The following FHIT variants were observed in gnomAD, a reference collection of about 807,000 sequenced individuals.
FHIT encodes bis(5'-adenosyl)-triphosphatase.
Under a neutral mutation model 17.9 loss-of-function variants are expected in FHIT, and 19 were observed. That is an observed-to-expected ratio of 1.06 (90% CI 0.74 to 1.56). The LOEUF is 1.56. Among genes scored for constraint, FHIT ranks in the 40% most tolerant of loss-of-function variants. The pLI is 0.00. For missense variants in FHIT, 248 were observed against 189.2 expected (o/e 1.31, Z -1.82); for synonymous variants, 81 against 69.7 (o/e 1.16, Z -0.81).
intron 5 of FHIT, among the ~76,000 whole-genome samples, chr3:60,490,561 T>C (rs1048499117): frequency 6.6e-6 from 1 of 151,974 alleles, no homozygotes; most frequent in African/African-American, 2.4e-5. Flanking sequence ...AACCTCTTGC[T>C]CCGTCTCCAC....
In FHIT at chr3:60,246,162, T is replaced by C. The variant is rs180835896; in HGVS notation, c.104-232010A>G. ...ATTGCAGTAATACAGGCAAATGAGG[T>C]AGAAATGGAAATGTAGAGAAAAACA... On this transcript the variant is annotated intron_variant, in intron 5 of 9. Transcript: ENST00000492590. Among the ~76,000 whole-genome samples the C allele has an allele frequency of 1.4e-4, 21 of 152,028 alleles. No individual in the cohort carries two copies. In the East Asian group the frequency reaches 4.1e-3, roughly 29 times the overall value.
chr3:59,890,020 G>A (rs377267400), intron 8 of FHIT, among the ~76,000 whole-genome samples: 6 of 152,208 alleles, frequency 3.9e-5, no homozygotes, highest in Admixed American at 2.0e-4. Flanking sequence ...CAATGAAGAC[G>A]TCATTAAAAA....
intron 2 of FHIT, among the ~76,000 whole-genome samples, chr3:61,172,689 C>CCATA (rs1175736976): frequency 6.9e-6 from 1 of 144,468 alleles, no homozygotes; most frequent in Non-Finnish European, 1.6e-5. Context: ...CAAACACTTT[C>CCATA]TGTGAGTTAC....
At chr3:60,305,719 T>C (rs987272072) in intron 5 of FHIT, among the ~76,000 whole-genome samples, 4 of 152,182 alleles carry the variant, frequency 2.6e-5, no homozygotes, top group Non-Finnish European at 4.4e-5. Flanking sequence ...GTAATGGTGC[T>C]TTTACATTCT....
intron 5 of FHIT, among the ~76,000 whole-genome samples, chr3:60,156,207 C>G (rs1700681862): frequency 6.6e-6 from 1 of 151,666 alleles, no homozygotes; most frequent in Non-Finnish European, 1.5e-5. Context: ...CAAAAATTAG[C>G]AGGGCGTGGT....
intron 5 of FHIT, among the ~76,000 whole-genome samples, chr3:60,015,556 C>T (rs912035404): frequency 6.6e-6 from 1 of 152,118 alleles, no homozygotes; most frequent in African/African-American, 2.4e-5. Context: ...AGCCTCCACT[C>T]CCACGAAGCT....
intron 5 of FHIT, among the ~76,000 whole-genome samples, chr3:60,170,931 G>C (rs904090073): frequency 3.3e-5 from 5 of 152,168 alleles, no homozygotes; most frequent in African/African-American, 1.2e-4. Context: ...CAAATTCCTG[G>C]TTTTCAGAAA....
At chr3:61,106,071 T>G (rs1248011193) in intron 2 of FHIT, among the ~76,000 whole-genome samples, 3 of 152,210 alleles carry the variant, frequency 2.0e-5, no homozygotes, top group African/African-American at 7.2e-5. Context: ...ATTGTATCCT[T>G]GGACAAGTCA....
At chr3:60,527,805 C>G (rs952768039) in intron 5 of FHIT, among the ~76,000 whole-genome samples, 1 of 152,112 alleles carries the variant, frequency 6.6e-6, no homozygotes, top group African/African-American at 2.4e-5. Context: ...GACACCCACC[C>G]CACCGTACAT....
At chr3:60,878,699 CT>C (rs1202717910) in intron 3 of FHIT, among the ~76,000 whole-genome samples, 7 of 151,840 alleles carry the variant, frequency 4.6e-5, no homozygotes, top group South Asian at 4.2e-4. Context: ...TCCATGTGTT[CT>C]CATTGTTCAA....
intron 4 of FHIT, among the ~76,000 whole-genome samples, chr3:60,571,500 T>C (rs2037383353): frequency 6.6e-6 from 1 of 151,902 alleles, no homozygotes; most frequent in South Asian, 2.1e-4. Context: ...CTGAGGAGAA[T>C]TTGAGAAAAT....
intron 4 of FHIT, among the ~76,000 whole-genome samples, chr3:60,545,433 A>T (rs2036328751): frequency 6.6e-6 from 1 of 152,120 alleles, no homozygotes; most frequent in African/African-American, 2.4e-5. Context: ...TTTTCTAGTT[A>T]CTTGAGTCAA....
intron 2 of FHIT, among the ~76,000 whole-genome samples, chr3:61,173,432 TC>T (rs1404852422): frequency 5.9e-5 from 9 of 152,228 alleles, no homozygotes; most frequent in Admixed American, 5.9e-4. Context: ...GTGTGTTGTT[TC>T]TAAAGACCTG....
intron 3 of FHIT, among the ~76,000 whole-genome samples, chr3:60,978,057 A>G (rs1334814180): frequency 6.6e-6 from 1 of 152,186 alleles, no homozygotes; most frequent in Non-Finnish European, 1.5e-5. Context: ...GAAAGAGAAG[A>G]GGCGGTGTCA....
chr3:60,051,160 G>A (rs1172551753), intron 5 of FHIT, among the ~76,000 whole-genome samples: 2 of 151,866 alleles, frequency 1.3e-5, no homozygotes, highest in African/African-American at 2.4e-5. Flanking sequence ...GGGAAGGTTG[G>A]GCCTCTCAGC....
intron 4 of FHIT, among the ~76,000 whole-genome samples, chr3:60,600,886 C>T (rs77270549): frequency 6.6e-6 from 1 of 152,184 alleles, no homozygotes; most frequent in Non-Finnish European, 1.5e-5. Flanking sequence ...AAAATGCATC[C>T]CTCTCATGAG....
chr3:59,935,085 T>G (rs1258720228), intron 7 of FHIT, among the ~76,000 whole-genome samples: 2 of 152,138 alleles, frequency 1.3e-5, no homozygotes. Context: ...GGAAGACCAT[T>G]CCAAGATAGA....
intron 5 of FHIT, among the ~76,000 whole-genome samples, chr3:60,021,961 C>T (rs189627733): frequency 3.8e-4 from 58 of 152,252 alleles, no homozygotes; most frequent in African/African-American, 1.2e-3. Context: ...CTCTCTTTAC[C>T]GCAGTATTCA....
At chr3:59,888,562 G>A (rs1025578155) in intron 8 of FHIT, among the ~76,000 whole-genome samples, 1 of 152,082 alleles carries the variant, frequency 6.6e-6, no homozygotes, top group Non-Finnish European at 1.5e-5. Flanking sequence ...GAAATATATG[G>A]GAAAAAATCA....
Sources: gnomAD v4.1 joint callset for allele counts (sites outside exome capture counted in the v4.1 genomes callset) on GRCh38, gnomAD v4.1.1 for gene constraint, MANE v1.5 for transcripts, NCBI Gene and HGNC (gene_info 2026-07-23, HGNC 2026-07-21) for gene names.